Variants in CSMD2 observed in about 807,000 individuals in gnomAD.
The protein encoded by CSMD2 is CUB and Sushi multiple domains 2, also known as CUB and sushi domain-containing protein 2.
CSMD2 carries 130 observed loss-of-function variants against 398.5 expected under a neutral mutation model. The observed-to-expected ratio is 0.33, with a 90% CI of 0.28 to 0.38. The LOEUF is 0.38. Among genes scored for constraint, CSMD2 ranks in the 10% least tolerant of loss-of-function variants. The probability of loss-of-function intolerance (pLI) is 1.00; values close to 1 mark genes in which losing one functional copy is unlikely to be tolerated. For synonymous variants in CSMD2, 1,828 were observed against 1,908.5 expected (o/e 0.96, Z 1.10); for missense variants, 3,829 against 4,764.9 (o/e 0.80, Z 5.78).
intron 3 of CSMD2, among the ~76,000 whole-genome samples, chr1:34,026,488 C>T (rs1649660097): frequency 6.6e-6 from 1 of 152,144 alleles, no homozygotes; most frequent in African/African-American, 2.4e-5. Context: ...GTTTTGAGAG[C>T]TAGAGTATTA....
intron 1 of CSMD2, among the ~76,000 whole-genome samples, chr1:34,118,872 C>T (rs926073573): frequency 3.9e-5 from 6 of 152,122 alleles, no homozygotes; most frequent in South Asian, 2.1e-4. Flanking sequence ...TCTTCAGGTT[C>T]GATGCAATCC....
intron 2 of CSMD2, among the ~76,000 whole-genome samples, chr1:34,038,477 C>T (rs1651425678): frequency 6.6e-6 from 1 of 152,312 alleles, no homozygotes; most frequent in African/African-American, 2.4e-5. Context: ...ATTTTCTCCA[C>T]TGTCTTTTCT....
At chr1:33,616,784 G>T (rs1641418895) in intron 39 of CSMD2, 122 bp downstream of exon 39, 1 of 723,802 alleles carries the variant, frequency 1.4e-6, no homozygotes, top group Non-Finnish European at 2.4e-6. Flanking sequence ...TGACTGACTT[G>T]GAACAAATCC....
chr1:34,011,004 T>C lies in CSMD2; in HGVS notation c.517+21590A>G, dbSNP rs539382205. On this transcript the variant is annotated intron_variant, in intron 3 of 70. Transcript: ENST00000373381. The stretch of plus-strand genomic sequence containing the variant: ...TCATCCTTTAGGTCTTTACTTCCTC[T>C]AGGAGGCCTTCCCTAACCCATTCAC... Among the ~76,000 whole-genome samples, 19 of 152,272 alleles carry C rather than the reference T, an allele frequency of 1.2e-4. No homozygotes were observed. In the South Asian group the frequency reaches 2.3e-3, roughly 18 times the overall value.
chr1:33,763,270 C>A (rs1420092988), intron 13 of CSMD2, among the ~76,000 whole-genome samples: 1 of 152,138 alleles, frequency 6.6e-6, no homozygotes, highest in African/African-American at 2.4e-5. Flanking sequence ...ACAAAACTTT[C>A]CCCAAGCAAC....
chr1:33,985,936 C>G (rs1646344338), intron 3 of CSMD2, among the ~76,000 whole-genome samples: 1 of 152,180 alleles, frequency 6.6e-6, no homozygotes, highest in Non-Finnish European at 1.5e-5. Flanking sequence ...AGCAGTCACT[C>G]TCTGCTCTGA....
chr1:33,833,526 C>G (rs1250545644), intron 6 of CSMD2, among the ~76,000 whole-genome samples: 1 of 145,204 alleles, frequency 6.9e-6, no homozygotes, highest in Non-Finnish European at 1.5e-5. Context: ...CTATCTATGA[C>G]AAACCCACAG....
chr1:33,750,129 G>A (rs1648018000), intron 13 of CSMD2, among the ~76,000 whole-genome samples: 1 of 152,072 alleles, frequency 6.6e-6, no homozygotes. Flanking sequence ...GGCAAACTAT[G>A]TTCCTGGTTG....
At chr1:33,904,434 T>C (rs1245605879) in intron 5 of CSMD2, among the ~76,000 whole-genome samples, 1 of 152,202 alleles carries the variant, frequency 6.6e-6, no homozygotes, top group Non-Finnish European at 1.5e-5. Flanking sequence ...GGAATATTAT[T>C]CAGCCTTAAA....
At chr1:33,824,901 C>G (rs949574244) in intron 7 of CSMD2, among the ~76,000 whole-genome samples, 6 of 152,060 alleles carry the variant, frequency 3.9e-5, no homozygotes, top group African/African-American at 1.4e-4. Flanking sequence ...CCACTCGGCC[C>G]AGAAGGAAAG....
intron 19 of CSMD2, among the ~76,000 whole-genome samples, chr1:33,720,600 T>C (rs1370972018): frequency 6.6e-6 from 1 of 152,210 alleles, no homozygotes; most frequent in Non-Finnish European, 1.5e-5. Flanking sequence ...TTCCAGAAAC[T>C]GAAGGAAGTT....
At chr1:34,003,086 C>T (rs1197152870) in intron 3 of CSMD2, among the ~76,000 whole-genome samples, 2 of 152,144 alleles carry the variant, frequency 1.3e-5, no homozygotes, top group Non-Finnish European at 2.9e-5. Context: ...AAGGTCTAAG[C>T]GAGCTCCAAG....
chr1:34,100,666 T>A (rs189841070), intron 1 of CSMD2, among the ~76,000 whole-genome samples: 1 of 152,330 alleles, frequency 6.6e-6, no homozygotes, highest in East Asian at 1.9e-4. Context: ...GCATTTTAAA[T>A]GGATGCACAA....
chr1:33,742,582 C>G (rs112749912), intron 14 of CSMD2, among the ~76,000 whole-genome samples: 4,290 of 134,330 alleles, frequency 0.032, 149 homozygotes, highest in Non-Finnish European at 0.05. Context: ...CTTCTGCCCC[C>G]CCCCCCCCAA....
At chr1:33,751,207 GAA>G (rs551029604) in intron 13 of CSMD2, among the ~76,000 whole-genome samples, 1 of 144,212 alleles carries the variant, frequency 6.9e-6, no homozygotes, top group Non-Finnish European at 1.5e-5. Flanking sequence ...ATTGAGTTGG[GAA>G]AAAAAAAAAA....
In CSMD2 at chr1:34,165,037, C is replaced by T. The variant is rs919701684; in HGVS notation, c.61G>A (p.Gly21Ser). The change falls in exon 1 of 71, where the codon GGC becomes AGC. Residue 21 changes from glycine to serine, a missense_variant. Physicochemically the swap from Gly to Ser is moderately conservative, Grantham distance 56. Coordinates refer to ENST00000373381, the MANE Select transcript of CSMD2 (RefSeq NM_001281956.2). ...ACAAGCGCCGAAATCCCGGTTTCGC[C>T]GCGAGCCCTCCCCGCGGGGCAGCCG... ...RCGCPAGRAR[G>S]ETGISALVPG... 9.4e-5 allele frequency: 114 copies of T among 1,212,534 alleles called. No individual in the cohort carries two copies. The highest frequency in any genetic ancestry group is 1.1e-4 in the Non-Finnish European group (110 of 975,672). The allele number at this position is 1,212,534 out of a possible 1,614,324, so 75.1% of individuals were successfully genotyped here.
intron 12 of CSMD2, among the ~76,000 whole-genome samples, chr1:33,777,338 C>T (rs1652131696): frequency 6.6e-6 from 1 of 152,168 alleles, no homozygotes; most frequent in African/African-American, 2.4e-5. Flanking sequence ...AGTTTGGGAG[C>T]TCCTTCCAGG....
At chr1:33,637,298 G>GT (rs1238242711) in intron 29 of CSMD2, among the ~76,000 whole-genome samples, 1 of 152,192 alleles carries the variant, frequency 6.6e-6, no homozygotes, top group African/African-American at 2.4e-5. Flanking sequence ...TCTGCACTGG[G>GT]TATTGGGTGC....
chr1:33,995,914 C>G (rs1402584633), intron 3 of CSMD2, among the ~76,000 whole-genome samples: 1 of 152,192 alleles, frequency 6.6e-6, no homozygotes, highest in African/African-American at 2.4e-5. Context: ...TACTGATGTG[C>G]ACACCCTGGT....
Sources: allele counts gnomAD v4.1 joint callset (sites outside exome capture counted in the v4.1 genomes callset), GRCh38; gene constraint gnomAD v4.1.1; transcripts MANE v1.5; gene names NCBI Gene and HGNC (gene_info 2026-07-23, HGNC 2026-07-21).